The following PCED1B variants were observed in gnomAD, a reference collection of about 807,000 sequenced individuals.
The protein encoded by PCED1B is PC-esterase domain-containing protein 1B.
For synonymous variants in PCED1B, 251 were observed against 246.1 expected (o/e 1.02, Z -0.19); for missense variants, 573 against 573.9 (o/e 1.00, Z 0.02).
chr12:47,192,346 A>T (rs1426663286), intron 2 of PCED1B, among the ~76,000 whole-genome samples: 1 of 152,182 alleles, frequency 6.6e-6, no homozygotes. Flanking sequence ...TGAAATAAGA[A>T]AAATATGTAG....
intron 2 of PCED1B, among the ~76,000 whole-genome samples, chr12:47,211,347 C>G (rs1206195860): frequency 6.6e-6 from 1 of 152,150 alleles, no homozygotes; most frequent in African/African-American, 2.4e-5. Context: ...CTGTTTCTAT[C>G]TTCCTTGACA....
intron 2 of PCED1B, among the ~76,000 whole-genome samples, chr12:47,188,734 T>C (rs1344682602): frequency 2.0e-5 from 3 of 152,194 alleles, no homozygotes; most frequent in Non-Finnish European, 2.9e-5. Context: ...TCCACTGCAG[T>C]GCTGGAGCAG....
chr12:47,224,165 T>C (rs553579611), intron 3 of PCED1B: 2 of 152,348 alleles, frequency 1.3e-5, no homozygotes, highest in African/African-American at 4.8e-5. Flanking sequence ...TACTTTTGTG[T>C]TTATGAAATG....
At chr12:47,186,628 A>T (rs1271236036) in intron 2 of PCED1B, among the ~76,000 whole-genome samples, 1 of 152,140 alleles carries the variant, frequency 6.6e-6, no homozygotes, top group Non-Finnish European at 1.5e-5. Context: ...GGGTGGCATA[A>T]TCCAAACCCC....
chr12:47,173,657 C>G lies in PCED1B; in HGVS notation c.-525-42565C>G, dbSNP rs545894471. On this transcript the variant is annotated intron_variant, in intron 2 of 3. Coordinates refer to ENST00000546455, the MANE Select transcript of PCED1B (RefSeq NM_138371.3). ...ATGATATTTATAACGGAAGTTGGGC[C>G]ATCCTGCCAAAGATTCGTAGTCACT... Among the ~76,000 whole-genome samples the G allele has an allele frequency of 2.4e-4, 37 of 152,128 alleles. 1 individual carries two copies. The South Asian group carries it at 4.4e-3, about 18-fold the overall frequency.
chr12:47,135,539 G>A, intron 2 of PCED1B: 2 of 514,330 alleles, frequency 3.9e-6, no homozygotes, highest in Non-Finnish European at 7.9e-6. Flanking sequence ...AGAATGGTCA[G>A]GAGGATGCCC....
intron 2 of PCED1B, among the ~76,000 whole-genome samples, chr12:47,112,465 A>G (rs1939241443): frequency 6.6e-6 from 1 of 152,244 alleles, no homozygotes; most frequent in Admixed American, 6.5e-5. Flanking sequence ...ATATCTCTCC[A>G]TATTCCATGA....
chr12:47,092,565 A>G (rs953739072), intron 1 of PCED1B, among the ~76,000 whole-genome samples: 1 of 152,042 alleles, frequency 6.6e-6, no homozygotes. Flanking sequence ...GTTAGACTGA[A>G]ATGATGACAG....
At chr12:47,225,207 C>T (rs892407989) in intron 3 of PCED1B, among the ~76,000 whole-genome samples, 8 of 152,224 alleles carry the variant, frequency 5.3e-5, no homozygotes, top group Non-Finnish European at 8.8e-5. Context: ...GCTGGGATTA[C>T]AGAATTAAGC....
intron 2 of PCED1B, among the ~76,000 whole-genome samples, chr12:47,185,315 G>A (rs536122836): frequency 1.1e-4 from 16 of 152,304 alleles, no homozygotes; most frequent in Admixed American, 3.3e-4. Context: ...GACACAAGAA[G>A]AGAACGCTAT....
rs190785813 is a variant in PCED1B, at chr12:47,171,862, T to C, written c.-525-44360T>C. On this transcript the variant is annotated intron_variant, in intron 2 of 3. Transcript: ENST00000546455. ...TGCTGCTGCTTCTTTCTTCTTCTTC[T>C]TCTCCTTCTTCTTCTTTTCTTCTTC... Among the ~76,000 whole-genome samples, 535 of 151,036 alleles carry C rather than the reference T, an allele frequency of 3.5e-3. 3 individuals carry two copies. The highest frequency in any genetic ancestry group is 0.013 in the African/African-American group (511 of 40,870).
chr12:47,172,340 CTTTTTTTTTTT>C (rs34230051), intron 2 of PCED1B, among the ~76,000 whole-genome samples: 1 of 78,338 alleles, frequency 1.3e-5, no homozygotes, highest in Non-Finnish European at 2.4e-5. Flanking sequence ...TCGTGGGTTG[CTTTTTTTTTTT>C]TTTTTTTTTT....
chr12:47,129,463 T>A (rs1940028387), intron 2 of PCED1B, among the ~76,000 whole-genome samples: 1 of 152,142 alleles, frequency 6.6e-6, no homozygotes, highest in Non-Finnish European at 1.5e-5. Flanking sequence ...TACTCCAGCC[T>A]GGGTGGCAGA....
intron 3 of PCED1B, among the ~76,000 whole-genome samples, chr12:47,217,458 AAAAGAAAGAAAGAGAAAG>A (rs1197478385): frequency 1.7e-4 from 17 of 100,018 alleles, no homozygotes; most frequent in African/African-American, 9.4e-4. Flanking sequence ...GAAAGAAAGA[AAAAGAAAGAAAGAGAAAG>A]AAAGAAAGAA....
At chr12:47,199,326 T>C (rs1942697454) in intron 2 of PCED1B, among the ~76,000 whole-genome samples, 1 of 152,218 alleles carries the variant, frequency 6.6e-6, no homozygotes, top group Non-Finnish European at 1.5e-5. Flanking sequence ...CCTGATAACT[T>C]GATCTATAGA....
At chr12:47,212,439 T>C (rs1044939231) in intron 2 of PCED1B, among the ~76,000 whole-genome samples, 2 of 152,212 alleles carry the variant, frequency 1.3e-5, no homozygotes, top group African/African-American at 4.8e-5. Context: ...AAAAAATTCA[T>C]GAACTATAGC....
intron 1 of PCED1B, among the ~76,000 whole-genome samples, chr12:47,101,387 G>A (rs888149413): frequency 1.3e-5 from 2 of 152,060 alleles, no homozygotes; most frequent in African/African-American, 4.8e-5. Context: ...TTGTTCGTTC[G>A]TTTCTTTTTC....
intron 2 of PCED1B, among the ~76,000 whole-genome samples, chr12:47,178,483 C>T (rs574474497): frequency 6.6e-6 from 1 of 152,252 alleles, no homozygotes; most frequent in South Asian, 2.1e-4. Flanking sequence ...TAACATCAGG[C>T]TTATGCTTTC....
chr12:47,222,987 G>GT (rs1279758770), intron 3 of PCED1B, among the ~76,000 whole-genome samples: 1 of 152,140 alleles, frequency 6.6e-6, no homozygotes, highest in African/African-American at 2.4e-5. Flanking sequence ...GGGACATAGG[G>GT]TTACCTCATT....
Sources: gnomAD v4.1 joint callset for allele counts (sites outside exome capture counted in the v4.1 genomes callset) on GRCh38, gnomAD v4.1.1 for gene constraint, MANE v1.5 for transcripts, NCBI Gene and HGNC (gene_info 2026-07-23, HGNC 2026-07-21) for gene names.